The following RHOBTB2 variants were observed in gnomAD, a reference collection of about 807,000 sequenced individuals.
RHOBTB2 encodes the protein Rho related BTB domain containing 2.
Under a neutral mutation model 66.5 loss-of-function variants are expected in RHOBTB2, and 39 were observed. That is an observed-to-expected ratio of 0.59 (90% CI 0.45 to 0.77). The LOEUF (loss-of-function observed/expected upper bound fraction) is 0.77. Among genes scored for constraint, RHOBTB2 ranks in the 30% least tolerant of loss-of-function variants. RHOBTB2 has a pLI of 0.00. For missense variants in RHOBTB2, 755 were observed against 999.1 expected, an observed-to-expected ratio of 0.76 and a Z score of 3.29; for synonymous variants, 390 against 395.0, an observed-to-expected ratio of 0.99 and a Z score of 0.15.
chr8:22,957,218 G>C, the RHOBTB2 span, among the ~76,000 whole-genome samples: 1 of 152,142 alleles, frequency 6.6e-6, no homozygotes. Context: ...CAGATCAGGG[G>C]TGTGGGATGC....
At chr8:22,968,871 G>A in the RHOBTB2 span, among the ~76,000 whole-genome samples, 42,923 of 150,390 alleles carry the variant, frequency 0.29, 6,556 homozygotes, top group East Asian at 0.41. Flanking sequence ...ATTGGAGAGG[G>A]AAAGGCCTTT....
chr8:23,012,162 A>G (rs1811167766), intron 7 of RHOBTB2, among the ~76,000 whole-genome samples: 1 of 152,222 alleles, frequency 6.6e-6, no homozygotes, highest in Non-Finnish European at 1.5e-5. Context: ...TCAAATTCCT[A>G]GATGGAATAA....
chr8:22,973,611 C>T, the RHOBTB2 span, among the ~76,000 whole-genome samples: 5 of 152,280 alleles, frequency 3.3e-5, no homozygotes, highest in South Asian at 1.0e-3. Context: ...TCAGCAGTGC[C>T]CAGCCCGGGC....
chr8:23,014,868 C>A, intron 8 of RHOBTB2, 90 bp downstream of exon 8: 2 of 1,032,778 alleles, frequency 1.9e-6, no homozygotes, highest in South Asian at 1.4e-5. Context: ...GGAAGATGGT[C>A]TATGCGGGAG....
the RHOBTB2 span, among the ~76,000 whole-genome samples, chr8:22,966,984 A>G: frequency 1.3e-5 from 2 of 152,192 alleles, no homozygotes; most frequent in South Asian, 4.1e-4. Flanking sequence ...TGCTATGCAA[A>G]CCAGTGTGGT....
chr8:23,013,071 T>C (rs1811192650), intron 7 of RHOBTB2, among the ~76,000 whole-genome samples: 1 of 151,784 alleles, frequency 6.6e-6, no homozygotes, highest in African/African-American at 2.4e-5. Flanking sequence ...AGTGCTGGGA[T>C]TACAGGCGTG....
rs569832548 is a variant in RHOBTB2 at position 23,002,901 on chromosome 8, C to T, written c.-10-1524C>T. Among the ~76,000 whole-genome samples, 10 of 152,316 alleles carry T rather than the reference C, an allele frequency of 6.6e-5. 1 individual carries two copies. The South Asian group carries it at 1.4e-3, about 22-fold the overall frequency. On this transcript the variant is annotated intron_variant, in intron 1 of 9. Transcript: ENST00000251822. ...CTTAGGTTGCTGAGATGCATCCACT[C>T]GCACGGATCCCAGTTGCTATCGTTA...
chr8:22,962,222 AGAGAAAGT>A, the RHOBTB2 span, among the ~76,000 whole-genome samples: 1 of 135,700 alleles, frequency 7.4e-6, no homozygotes, highest in Non-Finnish European at 1.6e-5. Flanking sequence ...AAGGAAAGAA[AGAGAAAGT>A]AACCCACAAA....
At chr8:22,971,422 T>A in the RHOBTB2 span, among the ~76,000 whole-genome samples, 2 of 151,866 alleles carry the variant, frequency 1.3e-5, no homozygotes, top group Non-Finnish European at 1.5e-5. Flanking sequence ...TGGGCTCAAG[T>A]GATCCTTACA....
chr8:22,986,285 T>TC (rs1427290893), upstream of RHOBTB2, among the ~76,000 whole-genome samples: 1 of 149,070 alleles, frequency 6.7e-6, no homozygotes. Context: ...TTTTTTTTTT[T>TC]TTTCTGGGAG....
chr8:22,972,731 A>G, the RHOBTB2 span, among the ~76,000 whole-genome samples: 1 of 152,234 alleles, frequency 6.6e-6, no homozygotes. Context: ...TCTGAAGAGG[A>G]GCCTGACAAC....
At chr8:22,993,440 G>A (rs1355894423) in intron 2 of RHOBTB2, among the ~76,000 whole-genome samples, 2 of 152,168 alleles carry the variant, frequency 1.3e-5, no homozygotes, top group African/African-American at 2.4e-5. Flanking sequence ...CCTTTACCCA[G>A]GGCATGGGGC....
At chr8:22,966,061 T>C in the RHOBTB2 span, among the ~76,000 whole-genome samples, 40 of 152,026 alleles carry the variant, frequency 2.6e-4, no homozygotes, top group African/African-American at 8.9e-4. Flanking sequence ...AGAAAATTTA[T>C]AAAACTCAGC....
Position 23,015,630 on chromosome 8 carries a change from G to C in RHOBTB2, c.1861-8G>C. ...TTCAGTACAGACGTTCTTCCCTTCT[G>C]TCCCCAGTTCCACTGTGCGTACCAG... On this transcript the variant is annotated splice_region_variant and splice_polypyrimidine_tract_variant and intron_variant, in intron 8 of 9. Coordinates refer to ENST00000251822, the MANE Select transcript of RHOBTB2 (RefSeq NM_015178.3). The C allele has an allele frequency of 6.3e-7, 1 of 1,598,024 alleles. No individual in the cohort carries two copies. Among genetic ancestry groups the C allele is most frequent in the African/African-American group, 1.3e-5 (1 of 74,696 alleles).
rs963497044 is a variant in RHOBTB2, at chr8:23,020,144, G to A, written c.*2675G>A. On this transcript the variant is annotated 3_prime_UTR_variant, in exon 10 of 10. Coordinates refer to ENST00000251822, the MANE Select transcript of RHOBTB2 (RefSeq NM_015178.3). ...AAAAACCACACCTCTTTTTATATAAGGTTTCATATTTAATTTGGTCATGGA... is the reference window on the plus strand; with the variant it reads ...AAAAACCACACCTCTTTTTATATAAAGTTTCATATTTAATTTGGTCATGGA... 2.5e-6 allele frequency: 1 copy of A among 392,876 alleles called. No homozygotes were observed. Among genetic ancestry groups the A allele is most frequent in the Non-Finnish European group, 5.1e-6 (1 of 197,976 alleles). 24.3% of individuals were successfully genotyped at this position (392,876 alleles called of 1,614,324 possible).
Position 23,010,703 on chromosome 8 carries a change from C to G in RHOBTB2, c.1771+15C>G, listed in dbSNP as rs773381193. 2 of 1,613,210 alleles carry G rather than the reference C, an allele frequency of 1.2e-6. No homozygotes were observed. Among genetic ancestry groups the G allele is most frequent in the Non-Finnish European group, 1.7e-6 (2 of 1,179,428 alleles). The stretch of plus-strand genomic sequence containing the variant: ...TGCCCTCACAGGTAACTAAGCAGTG[C>G]ACTCGGGGACCTCCCCGCGGCAGAG... On this transcript the variant is annotated intron_variant, in intron 7 of 9. Coordinates refer to ENST00000251822, the MANE Select transcript of RHOBTB2 (RefSeq NM_015178.3).
the RHOBTB2 span, among the ~76,000 whole-genome samples, chr8:22,956,580 T>G: frequency 5.9e-5 from 9 of 152,206 alleles, no homozygotes; most frequent in South Asian, 4.1e-4. Flanking sequence ...AGCATCATGC[T>G]TCCTGTACAG....
At chr8:22,976,746 C>T in the RHOBTB2 span, among the ~76,000 whole-genome samples, 1 of 152,080 alleles carries the variant, frequency 6.6e-6, no homozygotes, top group African/African-American at 2.4e-5. Flanking sequence ...GTGTCTCAGC[C>T]TCCCAAGTAG....
At chr8:22,984,661 G>A (rs1810261237), upstream of RHOBTB2, 1 of 152,138 alleles carries the variant, frequency 6.6e-6, no homozygotes, top group Admixed American at 6.5e-5. Context: ...CTCATGCCTG[G>A]AATCCCAGCA....
Sources: gnomAD v4.1 joint callset for allele counts (sites outside exome capture counted in the v4.1 genomes callset) on GRCh38, gnomAD v4.1.1 for gene constraint, MANE v1.5 for transcripts, NCBI Gene and HGNC (gene_info 2026-07-23, HGNC 2026-07-21) for gene names.